ABCA12: variants seen among roughly 807,000 people sequenced by gnomAD.
ABCA12 encodes the protein glucosylceramide transporter ABCA12.
In ABCA12, 156 loss-of-function variants were observed where a neutral mutation model predicts 293.5. The ratio of observed to expected loss-of-function variants is 0.53; its 90% CI spans 0.47 to 0.61. ABCA12 has a LOEUF of 0.61. Among genes scored for constraint, ABCA12 ranks in the 20% least tolerant of loss-of-function variants. ABCA12 has a pLI of 0.00. For missense variants in ABCA12, 2,797 were observed against 3,090.2 expected, an observed-to-expected ratio of 0.91 and a Z score of 2.25; for synonymous variants, 1,063 against 1,108.0, an observed-to-expected ratio of 0.96 and a Z score of 0.81.
At chr2:214,985,712 G>A (rs1032766883) in intron 28 of ABCA12, among the ~76,000 whole-genome samples, 2 of 152,130 alleles carry the variant, frequency 1.3e-5, no homozygotes, top group Non-Finnish European at 2.9e-5. Context: ...TAATTCCAGT[G>A]TTTTTGCAGT....
chr2:214,934,270 G>T, intron 51 of ABCA12, 55 bp from the exon 52 acceptor site: 2 of 1,589,988 alleles, frequency 1.3e-6, no homozygotes, highest in South Asian at 1.1e-5. Flanking sequence ...ATGTTGACAT[G>T]ACTAGACATA....
intron 51 of ABCA12, among the ~76,000 whole-genome samples, chr2:214,935,422 C>T (rs947760747): frequency 1.3e-5 from 2 of 152,192 alleles, no homozygotes; most frequent in East Asian, 3.9e-4. Flanking sequence ...TTACTACCAA[C>T]ACAATTTGTG....
At chr2:214,938,551 C>T (rs1410028435) in intron 50 of ABCA12, among the ~76,000 whole-genome samples, 1 of 152,166 alleles carries the variant, frequency 6.6e-6, no homozygotes, top group African/African-American at 2.4e-5. Flanking sequence ...CTGTCTTCCA[C>T]GATGGTTGAA....
chr2:215,114,626 CA>C (rs1442745520), intron 1 of ABCA12, among the ~76,000 whole-genome samples: 1 of 152,022 alleles, frequency 6.6e-6, no homozygotes, highest in East Asian at 1.9e-4. Context: ...AAGTGTATTG[CA>C]AAAATATGAG....
At chr2:215,052,461 C>T (rs1427620599) in intron 5 of ABCA12, 26 bp downstream of exon 5, 2 of 1,577,860 alleles carry the variant, frequency 1.3e-6, no homozygotes, top group Non-Finnish European at 8.7e-7. Context: ...AATCACTCTA[C>T]CCATTACAAA....
In ABCA12 at chr2:215,052,468, C is replaced by A. The variant is rs988287714; in HGVS notation, c.507+19G>T. The A allele has an allele frequency of 4.4e-6, 7 of 1,602,146 alleles. No individual in the cohort carries two copies. In the African/African-American group the frequency reaches 9.4e-5, roughly 21 times the overall value. ...CTATGTTGAATCACTCTACCCATTA[C>A]AAAATTGAATCAAGTTACCTTTTCC... is the stretch of plus-strand genomic sequence containing the variant. On this transcript the variant is annotated intron_variant, in intron 5 of 52. Coordinates refer to ENST00000272895, the MANE Select transcript of ABCA12 (RefSeq NM_173076.3).
At chr2:215,083,175 T>C (rs556777826) in intron 2 of ABCA12, among the ~76,000 whole-genome samples, 4 of 152,342 alleles carry the variant, frequency 2.6e-5, no homozygotes, top group South Asian at 2.1e-4. Context: ...ACCAGACTAA[T>C]AGATCTTGTT....
At chr2:214,954,284 G>A (rs941025420) in intron 43 of ABCA12, among the ~76,000 whole-genome samples, 177 bp from the exon 44 acceptor site, 4 of 152,122 alleles carry the variant, frequency 2.6e-5, no homozygotes, top group African/African-American at 7.2e-5. Context: ...AATGGTGGAT[G>A]TTTATCACTG....
intron 2 of ABCA12, among the ~76,000 whole-genome samples, chr2:215,099,772 G>A (rs905540255): frequency 1.6e-4 from 24 of 152,062 alleles, no homozygotes; most frequent in African/African-American, 5.3e-4. Context: ...AAGTTTTGAG[G>A]GGCAATTTGT....
At chr2:215,055,295 C>T (rs1165690687) in intron 3 of ABCA12, among the ~76,000 whole-genome samples, 1 of 152,016 alleles carries the variant, frequency 6.6e-6, no homozygotes, top group African/African-American at 2.4e-5. Context: ...TGCCAGGAAT[C>T]CCTGTGCAAC....
intron 2 of ABCA12, among the ~76,000 whole-genome samples, chr2:215,099,666 T>C (rs934840294): frequency 1.4e-5 from 2 of 148,130 alleles, no homozygotes; most frequent in Non-Finnish European, 3.0e-5. Flanking sequence ...GCACTCCAGC[T>C]TGGTGACAGA....
Position 214,951,033 on chromosome 2 carries a change from T to G in ABCA12, c.6698A>C (p.Glu2233Ala). Residue 2233 changes from glutamate (E) to alanine (A), a missense_variant, in exon 45 of 53, where the codon GAG (glutamate) becomes GCG (alanine). This residue lies in a region of ABCA12 where 2,130 missense variants were observed against 2,427.0 expected (regional missense o/e 0.88). Coordinates refer to ENST00000272895, the MANE Select transcript of ABCA12 (RefSeq NM_173076.3). ...NSSHVRETID[E>A]DEDVRAERLR... ...TCTCTCAGCCCGCACATCTTCATCC[T>G]CATCTATTGTCTCCCTTACATGTGA... The G allele has an allele frequency of 6.2e-7, 1 of 1,614,192 alleles. No individual in the cohort carries two copies.
At chr2:214,956,625 C>G (rs763738855) in intron 42 of ABCA12, 38 bp downstream of exon 42, 1 of 1,447,076 alleles carries the variant, frequency 6.9e-7, no homozygotes, top group Non-Finnish European at 9.7e-7. Flanking sequence ...GCATTTAATT[C>G]TATTAATTCT....
At position 214,983,981 on chromosome 2, in the gene ABCA12, G is replaced by A. The variant is rs1699729000; in HGVS notation, c.4164-116C>T. 10 of 796,548 alleles carry A rather than the reference G, an allele frequency of 1.3e-5. No individual in the cohort carries two copies. The South Asian group carries it at 1.5e-4, about 12-fold the overall frequency. 49.3% of individuals were successfully genotyped at this position (796,548 alleles called of 1,614,324 possible). A position where few individuals can be genotyped will look rare whatever the true frequency, so the allele number is the denominator to read the frequency against. On this transcript the variant is annotated intron_variant, in intron 28 of 52. Coordinates refer to ENST00000272895, the MANE Select transcript of ABCA12 (RefSeq NM_173076.3). ...ATACAGTGTATCTTCTCAGTCAAGG[G>A]CAAACTATGAAATAAAATGGTATTT...
chr2:214,938,279 G>A (rs1013964803), intron 50 of ABCA12, among the ~76,000 whole-genome samples: 10 of 152,122 alleles, frequency 6.6e-5, no homozygotes, highest in South Asian at 4.1e-4. Flanking sequence ...TGCAAAGGAC[G>A]TGAACTCATC....
At chr2:215,040,523 T>C (rs1701077001) in intron 7 of ABCA12, among the ~76,000 whole-genome samples, 1 of 152,108 alleles carries the variant, frequency 6.6e-6, no homozygotes, top group Admixed American at 6.5e-5. Context: ...GAATACAAAA[T>C]GTTGGCTGGG....
intron 1 of ABCA12, among the ~76,000 whole-genome samples, chr2:215,133,435 A>G (rs942675955): frequency 6.6e-6 from 1 of 151,718 alleles, no homozygotes; most frequent in Non-Finnish European, 1.5e-5. Flanking sequence ...ATAATCTCAT[A>G]CTTCTCATAG....
chr2:215,083,644 T>G (rs1488534565), intron 2 of ABCA12, among the ~76,000 whole-genome samples: 4 of 152,200 alleles, frequency 2.6e-5, no homozygotes, highest in Non-Finnish European at 4.4e-5. Flanking sequence ...TACTAACTAT[T>G]AATAGAATTT....
chr2:214,965,615 T>C (rs1392418213), intron 39 of ABCA12, among the ~76,000 whole-genome samples: 1 of 151,842 alleles, frequency 6.6e-6, no homozygotes, highest in Non-Finnish European at 1.5e-5. Flanking sequence ...ATGCAGCCAA[T>C]AAACACATGA....
Sources: gnomAD v4.1 joint callset for allele counts (sites outside exome capture counted in the v4.1 genomes callset) on GRCh38, gnomAD v4.1.1 for gene constraint, gnomAD v4.1.1 regional missense constraint, MANE v1.5 for transcripts, NCBI Gene and HGNC (gene_info 2026-07-23, HGNC 2026-07-21) for gene names.